Variants in KMT2C observed in about 807,000 individuals in gnomAD.
KMT2C encodes the protein lysine methyltransferase 2C.
KMT2C carries 88 observed loss-of-function variants against 507.9 expected under a neutral mutation model. The ratio of observed to expected loss-of-function variants is 0.17; its 90% CI spans 0.15 to 0.21. KMT2C has a LOEUF of 0.21. Among genes scored for constraint, KMT2C ranks in the 10% least tolerant of loss-of-function variants. KMT2C has a pLI of 1.00. For synonymous variants in KMT2C, 2,049 were observed against 2,080.8 expected, an observed-to-expected ratio of 0.98 and a Z score of 0.42; for missense variants, 4,954 against 5,957.8, an observed-to-expected ratio of 0.83 and a Z score of 5.55.
At chr7:152,213,723 T>G (rs1186953180) in intron 23 of KMT2C, among the ~76,000 whole-genome samples, 1 of 142,254 alleles carries the variant, frequency 7.0e-6, no homozygotes, top group Non-Finnish European at 1.5e-5. Context: ...TGGGACTACA[T>G]CAAGCAAATA....
At chr7:152,392,899 A>C (rs538193434) in intron 1 of KMT2C, among the ~76,000 whole-genome samples, 24 of 152,222 alleles carry the variant, frequency 1.6e-4, no homozygotes, top group Non-Finnish European at 3.2e-4. Context: ...TTTTGAAGGA[A>C]GAAAGGGCAA....
At chr7:152,287,832 T>G (rs2096330451) in intron 6 of KMT2C, among the ~76,000 whole-genome samples, 1 of 151,934 alleles carries the variant, frequency 6.6e-6, no homozygotes, top group Non-Finnish European at 1.5e-5. Context: ...GAGACCAGCC[T>G]GGCCAACATC....
intron 25 of KMT2C, among the ~76,000 whole-genome samples, chr7:152,203,739 A>C (rs1194273141): frequency 2.6e-5 from 4 of 152,204 alleles, no homozygotes; most frequent in Admixed American, 6.5e-5. Flanking sequence ...CCCTTCTGAA[A>C]ATCAATATGG....
intron 13 of KMT2C, 134 bp downstream of exon 13, chr7:152,249,742 C>A: frequency 9.2e-5 from 15 of 163,126 alleles, no homozygotes; most frequent in Middle Eastern, 1.7e-3. Context: ...ATTGTCAATT[C>A]TTTTCCAGAA....
At chr7:152,283,370 G>A (rs1306621853) in intron 6 of KMT2C, among the ~76,000 whole-genome samples, 2 of 152,084 alleles carry the variant, frequency 1.3e-5, no homozygotes, top group Non-Finnish European at 2.9e-5. Context: ...ATTTTAGTAG[G>A]AGTAAACACA....
In KMT2C at chr7:152,418,919, T is replaced by C. The variant is rs180695571; in HGVS notation, c.161+16707A>G. On this transcript the variant is annotated intron_variant, in intron 1 of 58. Coordinates refer to ENST00000262189, the MANE Select transcript of KMT2C (RefSeq NM_170606.3). ...TTGAAAGAGAATAGGTCAGGCTGGG[T>C]GTGGTAGCTGATGTCTATAATTTCG... Among the ~76,000 whole-genome samples, 615 of 149,764 alleles carry C rather than the reference T, an allele frequency of 4.1e-3. 3 individuals carry two copies. Among genetic ancestry groups the C allele is most frequent in the Non-Finnish European group, 6.2e-3 (417 of 67,652 alleles).
chr7:152,138,532 G>A lies in KMT2C; in HGVS notation c.14643+264C>T. The A allele has an allele frequency of 2.9e-6, 1 of 347,260 alleles. No individual in the cohort carries two copies. Among genetic ancestry groups the A allele is most frequent in the Non-Finnish European group, 5.3e-6 (1 of 189,302 alleles). 21.5% of individuals were successfully genotyped at this position (347,260 alleles called of 1,614,324 possible). On this transcript the variant is annotated intron_variant, in intron 58 of 58. Coordinates refer to ENST00000262189, the MANE Select transcript of KMT2C (RefSeq NM_170606.3). This position sits in a 1 kb window ranked among gnomAD's most constrained non-coding sequence, Gnocchi z 4.2. ...ATGGCACACAGAAATGATACCACCTGGGTGCCATGGGGATGCTGAACCCGT... is the reference window on the plus strand; with the variant it reads ...ATGGCACACAGAAATGATACCACCTAGGTGCCATGGGGATGCTGAACCCGT...
chr7:152,184,094 T>C (rs1388754566), intron 34 of KMT2C, among the ~76,000 whole-genome samples: 1 of 143,078 alleles, frequency 7.0e-6, no homozygotes, highest in Non-Finnish European at 1.5e-5. Flanking sequence ...AAAAAAAATT[T>C]AGAAAAAAGG....
chr7:152,337,433 T>C (rs1275725772), intron 2 of KMT2C, among the ~76,000 whole-genome samples: 1 of 152,232 alleles, frequency 6.6e-6, no homozygotes, highest in East Asian at 1.9e-4. Flanking sequence ...AATAAGTTCA[T>C]AACATACCCT....
At chr7:152,159,885 C>T (rs10216286) in intron 43 of KMT2C, among the ~76,000 whole-genome samples, 17,108 of 152,196 alleles carry the variant, frequency 0.11, 2,201 homozygotes, top group African/African-American at 0.31. Context: ...CATTGAATCT[C>T]TGACGGTTCT....
intron 6 of KMT2C, among the ~76,000 whole-genome samples, chr7:152,305,540 G>A (rs1001306878): frequency 6.6e-6 from 1 of 152,090 alleles, no homozygotes; most frequent in African/African-American, 2.4e-5. Context: ...GAGCCTTACA[G>A]GTTAGCAAGG....
chr7:152,221,009 C>A (rs779651770), intron 22 of KMT2C, among the ~76,000 whole-genome samples: 84 of 152,260 alleles, frequency 5.5e-4, no homozygotes, highest in Non-Finnish European at 1.1e-3. Flanking sequence ...AATCCCAGCA[C>A]TTTGGGGGGC....
intron 6 of KMT2C, among the ~76,000 whole-genome samples, chr7:152,305,597 AGT>A (rs919957080): frequency 9.3e-5 from 14 of 151,234 alleles, no homozygotes; most frequent in Non-Finnish European, 1.9e-4. Context: ...GTCACTGAAG[AGT>A]GTTAAGTAGA....
chr7:152,336,338 A>G (rs2096935707), intron 2 of KMT2C, among the ~76,000 whole-genome samples: 1 of 152,134 alleles, frequency 6.6e-6, no homozygotes, highest in African/African-American at 2.4e-5. Flanking sequence ...AGGACAACTG[A>G]GTGTTTATGT....
At chr7:152,139,873 G>A in intron 55 of KMT2C, 82 bp from the exon 56 acceptor site, 1 of 894,998 alleles carries the variant, frequency 1.1e-6, no homozygotes. Context: ...TTCACCCTCG[G>A]GTCTTATTAG....
intron 9 of KMT2C, among the ~76,000 whole-genome samples, chr7:152,258,696 T>C (rs1451992308): frequency 6.6e-6 from 1 of 152,106 alleles, no homozygotes; most frequent in African/African-American, 2.4e-5. Flanking sequence ...TGGCTAATTT[T>C]TGTATTTTTA....
At chr7:152,357,734 A>AT (rs2097163928) in intron 2 of KMT2C, among the ~76,000 whole-genome samples, 1 of 152,190 alleles carries the variant, frequency 6.6e-6, no homozygotes, top group Admixed American at 6.5e-5. Context: ...ACTAGACCTT[A>AT]TTGGAAAGAA....
At chr7:152,200,408 AG>A (rs1242038725) in intron 26 of KMT2C, among the ~76,000 whole-genome samples, 2 of 152,222 alleles carry the variant, frequency 1.3e-5, no homozygotes, top group African/African-American at 4.8e-5. Flanking sequence ...ACTAAAAGAA[AG>A]TAAGTTGAAT....
rs1311282566 is a variant in KMT2C, at chr7:152,182,611, G to A, written c.5266-17C>T. ...ACGCATTTGCTATTAAAATAGAAAA[G>A]AAAAAGCAATCATATTTAGGTTAAG... On this transcript the variant is annotated splice_polypyrimidine_tract_variant and intron_variant, in intron 35 of 58. Coordinates refer to ENST00000262189, the MANE Select transcript of KMT2C (RefSeq NM_170606.3). 3 of 1,523,842 alleles carry A rather than the reference G, an allele frequency of 2.0e-6. No homozygotes were observed. The highest frequency in any genetic ancestry group is 8.8e-7 in the Non-Finnish European group (1 of 1,137,978). The allele number at this position is 1,523,842 out of a possible 1,614,324, so 94.4% of individuals were successfully genotyped here. A position where few individuals can be genotyped will look rare whatever the true frequency, so the allele number is the denominator to read the frequency against.
Sources: gnomAD v4.1 joint callset for allele counts (sites outside exome capture counted in the v4.1 genomes callset) on GRCh38, gnomAD v4.1.1 for gene constraint, Gnocchi (gnomAD v3.1) non-coding constraint, MANE v1.5 for transcripts, NCBI Gene and HGNC (gene_info 2026-07-23, HGNC 2026-07-21) for gene names.